Variants in SLC25A12 observed in about 807,000 individuals in gnomAD.
SLC25A12 encodes electrogenic aspartate/glutamate antiporter SLC25A12, mitochondrial.
In SLC25A12, 32 loss-of-function variants were observed where a neutral mutation model predicts 83.3. That is an observed-to-expected ratio of 0.38 (90% CI 0.29 to 0.52). SLC25A12 has a LOEUF of 0.52. SLC25A12 is among the 20% of genes least tolerant of loss of function. The probability of loss-of-function intolerance (pLI) is 0.84; values close to 1 mark genes in which losing one functional copy is unlikely to be tolerated. For synonymous variants in SLC25A12, 267 were observed against 291.1 expected, an observed-to-expected ratio of 0.92 and a Z score of 0.84; for missense variants, 611 against 835.6, an observed-to-expected ratio of 0.73 and a Z score of 3.31.
intron 2 of SLC25A12, among the ~76,000 whole-genome samples, chr2:171,877,575 G>C (rs915987217): frequency 1.3e-5 from 2 of 150,866 alleles, no homozygotes; most frequent in African/African-American, 4.9e-5. Context: ...GGAGGCAGGA[G>C]AATCACTTGA....
Position 171,881,493 on chromosome 2 carries a change from A to G in SLC25A12, c.66+11712T>C, listed in dbSNP as rs1419419859. On this transcript the variant is annotated intron_variant, in intron 2 of 17. Transcript: ENST00000422440. ...AATGTATGGGGAAAGATCAGAAAGA[A>G]ACACGACCAAGAACAGTGGTTACCT... 3.9e-5 allele frequency among the ~76,000 whole-genome samples: 6 copies of G among 152,142 alleles called. No individual in the cohort carries two copies. In the East Asian group the frequency reaches 1.2e-3, roughly 29 times the overall value.
chr2:171,882,505 G>A (rs1404264568), intron 2 of SLC25A12, among the ~76,000 whole-genome samples: 1 of 152,240 alleles, frequency 6.6e-6, no homozygotes, highest in Non-Finnish European at 1.5e-5. Flanking sequence ...GTTTGAGAAT[G>A]AAGCTAGCAC....
rs546894179 is a variant in SLC25A12, at chr2:171,839,234, G to A, written c.466-1967C>T. ...CAAGTTTGAGAATTTTATAAGGTGA[G>A]TTAGATAAGCACTAACAGGGAAAAG... On this transcript the variant is annotated intron_variant, in intron 5 of 17. Coordinates refer to ENST00000422440, the MANE Select transcript of SLC25A12 (RefSeq NM_003705.5). 6.2e-4 allele frequency among the ~76,000 whole-genome samples: 95 copies of A among 152,294 alleles called. 1 individual carries two copies. The highest frequency in any genetic ancestry group is 2.0e-3 in the African/African-American group (85 of 41,566).
chr2:171,798,005 C>T (rs1326400623), intron 13 of SLC25A12, among the ~76,000 whole-genome samples: 1 of 152,100 alleles, frequency 6.6e-6, no homozygotes, highest in Non-Finnish European at 1.5e-5. Flanking sequence ...GAGATACAAA[C>T]ATTAATACTA....
intron 2 of SLC25A12, among the ~76,000 whole-genome samples, chr2:171,874,353 A>G (rs553070023): frequency 1.3e-5 from 2 of 152,022 alleles, no homozygotes; most frequent in South Asian, 2.1e-4. Context: ...GATTGCACCA[A>G]TGCACTCCAG....
chr2:171,857,693 T>A (rs181549610), intron 3 of SLC25A12, among the ~76,000 whole-genome samples: 202 of 151,540 alleles, frequency 1.3e-3, no homozygotes, highest in African/African-American at 3.6e-3. Flanking sequence ...TAAAAAAAAA[T>A]TTTTTTTAAA....
chr2:171,853,776 T>C (rs367841732), intron 4 of SLC25A12, among the ~76,000 whole-genome samples: 6 of 152,346 alleles, frequency 3.9e-5, no homozygotes, highest in African/African-American at 1.4e-4. Flanking sequence ...TACACTCATT[T>C]TAATCTATTT....
At position 171,875,396 on chromosome 2, in the gene SLC25A12, A is replaced by G. The variant is rs112986328; in HGVS notation, c.67-6573T>C. Among the ~76,000 whole-genome samples the G allele has an allele frequency of 6.5e-3, 983 of 152,302 alleles. 10 individuals carry two copies. Among genetic ancestry groups the G allele is most frequent in the Non-Finnish European group, 0.01 (713 of 68,034 alleles). ...CTGGGCGTTTTGTCCAACTCTGTTC[A>G]AAATGCCAAGAACCTGTACAACTTG... On this transcript the variant is annotated intron_variant, in intron 2 of 17. Coordinates refer to ENST00000422440, the MANE Select transcript of SLC25A12 (RefSeq NM_003705.5).
At chr2:171,810,886 T>C (rs1290747841) in intron 11 of SLC25A12, among the ~76,000 whole-genome samples, 2 of 152,220 alleles carry the variant, frequency 1.3e-5, no homozygotes, top group African/African-American at 4.8e-5. Flanking sequence ...AGCAAAAACA[T>C]ATGCCTGTTG....
intron 2 of SLC25A12, among the ~76,000 whole-genome samples, chr2:171,885,846 G>A (rs76890816): frequency 0.017 from 2,576 of 152,242 alleles, 84 homozygotes; most frequent in African/African-American, 0.06. Context: ...AAATCCTCTT[G>A]TAGCTTCAGG....
chr2:171,846,123 T>A (rs1004286363), intron 4 of SLC25A12, among the ~76,000 whole-genome samples: 1 of 152,192 alleles, frequency 6.6e-6, no homozygotes, highest in Non-Finnish European at 1.5e-5. Context: ...ATTTTTAGGA[T>A]CTAACTTAAT....
At chr2:171,855,475 C>T (rs950704352) in intron 4 of SLC25A12, among the ~76,000 whole-genome samples, 3 of 152,146 alleles carry the variant, frequency 2.0e-5, no homozygotes. Context: ...TCTGAACTCC[C>T]TATCTAAAAA....
At chr2:171,845,305 T>G (rs893814034) in intron 4 of SLC25A12, among the ~76,000 whole-genome samples, 5 of 152,130 alleles carry the variant, frequency 3.3e-5, no homozygotes, top group African/African-American at 9.7e-5. Flanking sequence ...AGTTCTATAC[T>G]TACTATAAAA....
At chr2:171,830,378 T>TTC (rs1448288734) in intron 8 of SLC25A12, among the ~76,000 whole-genome samples, 1 of 152,200 alleles carries the variant, frequency 6.6e-6, no homozygotes, top group African/African-American at 2.4e-5. Context: ...TGAAGAGATA[T>TTC]TCTCTAAATT....
chr2:171,813,303 ATCAC>A (rs1683985406), intron 11 of SLC25A12, 32 bp downstream of exon 11: 3 of 1,612,192 alleles, frequency 1.9e-6, no homozygotes, highest in Non-Finnish European at 8.5e-7. Context: ...GTGAGATCAA[ATCAC>A]TAACTTCAGC....
At chr2:171,804,559 C>A (rs1481074431) in intron 13 of SLC25A12, among the ~76,000 whole-genome samples, 1 of 152,166 alleles carries the variant, frequency 6.6e-6, no homozygotes, top group African/African-American at 2.4e-5. Context: ...CCACGCCCAG[C>A]CTCCATTTAT....
intron 6 of SLC25A12, among the ~76,000 whole-genome samples, chr2:171,836,516 A>C (rs1407005514): frequency 6.6e-6 from 1 of 152,222 alleles, no homozygotes; most frequent in Non-Finnish European, 1.5e-5. Flanking sequence ...GACTGAATGT[A>C]CAGGTGAAGG....
chr2:171,877,634 A>G (rs1319969510), intron 2 of SLC25A12, among the ~76,000 whole-genome samples: 1 of 148,406 alleles, frequency 6.7e-6, no homozygotes, highest in Non-Finnish European at 1.5e-5. Context: ...CACTCACTGC[A>G]CTCCAGCCTG....
At chr2:171,878,393 AGTTACT>A (rs1685615787) in intron 2 of SLC25A12, among the ~76,000 whole-genome samples, 1 of 143,206 alleles carries the variant, frequency 7.0e-6, no homozygotes, top group Non-Finnish European at 1.6e-5. Flanking sequence ...AACTTGAAAT[AGTTACT>A]GTAAAATGCT....
Sources: gnomAD v4.1 joint callset for allele counts (sites outside exome capture counted in the v4.1 genomes callset) on GRCh38, gnomAD v4.1.1 for gene constraint, MANE v1.5 for transcripts, NCBI Gene and HGNC (gene_info 2026-07-23, HGNC 2026-07-21) for gene names.